The following TOP6BL variants were observed in gnomAD, a reference collection of about 807,000 sequenced individuals.
The protein encoded by TOP6BL is TOP6B like initiator of meiotic double strand breaks.
chr11:66,807,076 GATAA>G, the TOP6BL span, among the ~76,000 whole-genome samples: 2 of 152,106 alleles, frequency 1.3e-5, no homozygotes, highest in Non-Finnish European at 2.9e-5. Context: ...GTGCAGTGGA[GATAA>G]ATAGAACAAA....
At chr11:66,772,634 G>T in the TOP6BL span, among the ~76,000 whole-genome samples, 1 of 152,192 alleles carries the variant, frequency 6.6e-6, no homozygotes, top group Non-Finnish European at 1.5e-5. Flanking sequence ...GCTGGGTGTG[G>T]TGGTGCGTGC....
At chr11:66,764,380 G>A in the TOP6BL span, among the ~76,000 whole-genome samples, 12 of 151,802 alleles carry the variant, frequency 7.9e-5, no homozygotes, top group East Asian at 1.9e-4. Context: ...TCGGCCGGGC[G>A]CGGTGGCTCA....
At chr11:66,796,388 A>G in the TOP6BL span, 2 of 1,546,598 alleles carry the variant, frequency 1.3e-6, no homozygotes, top group Non-Finnish European at 1.8e-6. Context: ...TTGTACAATA[A>G]TGATTCTCTT....
the TOP6BL span, among the ~76,000 whole-genome samples, chr11:66,805,666 G>T: frequency 6.6e-6 from 1 of 152,074 alleles, no homozygotes; most frequent in Non-Finnish European, 1.5e-5. Context: ...TGTTGCCCAG[G>T]CTGGTCTCAA....
the TOP6BL span, chr11:66,843,480 C>T: frequency 3.4e-6 from 5 of 1,466,790 alleles, no homozygotes; most frequent in East Asian, 2.8e-5. Context: ...CGGGGATGGG[C>T]TGCGACTGCT....
At chr11:66,809,536 GGAAGTCCAAAGA>G in the TOP6BL span, among the ~76,000 whole-genome samples, 1 of 152,146 alleles carries the variant, frequency 6.6e-6, no homozygotes, top group African/African-American at 2.4e-5. Flanking sequence ...AGGATGAAAT[GGAAGTCCAAAGA>G]CCTCTTAAAA....
chr11:66,790,044 G>A, the TOP6BL span, among the ~76,000 whole-genome samples: 10 of 152,228 alleles, frequency 6.6e-5, no homozygotes, highest in African/African-American at 2.2e-4. Flanking sequence ...AGGCTGAGGC[G>A]GGTGGATCAT....
chr11:66,756,885 A>AT, the TOP6BL span, among the ~76,000 whole-genome samples: 8 of 151,620 alleles, frequency 5.3e-5, no homozygotes, highest in Admixed American at 1.3e-4. Flanking sequence ...TAATTTTTGT[A>AT]TTTTTTGTGG....
chr11:66,827,442 A>G, the TOP6BL span, among the ~76,000 whole-genome samples: 1 of 152,130 alleles, frequency 6.6e-6, no homozygotes, highest in Non-Finnish European at 1.5e-5. Context: ...CTAACATCCT[A>G]TAATTATATA....
At chr11:66,814,776 C>T in the TOP6BL span, among the ~76,000 whole-genome samples, 18 of 152,248 alleles carry the variant, frequency 1.2e-4, no homozygotes, top group African/African-American at 4.1e-4. Context: ...ACATAAAATT[C>T]CTTAGAAAAA....
At chr11:66,782,119 T>C in the TOP6BL span, among the ~76,000 whole-genome samples, 1 of 152,178 alleles carries the variant, frequency 6.6e-6, no homozygotes, top group Non-Finnish European at 1.5e-5. Context: ...CTATCTCCTC[T>C]GTGGGTTTTG....
At chr11:66,828,256 C>G in the TOP6BL span, 11 of 1,604,992 alleles carry the variant, frequency 6.9e-6, no homozygotes, top group South Asian at 1.2e-4. Context: ...CTATTTCTGG[C>G]CCATTTTAGG....
the TOP6BL span, among the ~76,000 whole-genome samples, chr11:66,835,809 G>C: frequency 1.3e-5 from 2 of 152,072 alleles, no homozygotes; most frequent in Non-Finnish European, 2.9e-5. Context: ...TTAATTAGTT[G>C]ATGAACACAA....
the TOP6BL span, among the ~76,000 whole-genome samples, chr11:66,827,966 GAAAAAAAAAA>G: frequency 0.023 from 703 of 30,114 alleles, 9 homozygotes; most frequent in African/African-American, 0.068. Context: ...CTCTGTCTCA[GAAAAAAAAAA>G]AAAAAAAAAA....
chr11:66,833,040 CTTTT>C, the TOP6BL span, among the ~76,000 whole-genome samples: 1,110 of 117,092 alleles, frequency 9.5e-3, 3 homozygotes, highest in African/African-American at 0.035. Flanking sequence ...ATCTTTCTGC[CTTTT>C]TTTTTTTTTT....
chr11:66,790,891 G>A, the TOP6BL span, among the ~76,000 whole-genome samples: 1 of 152,160 alleles, frequency 6.6e-6, no homozygotes, highest in Non-Finnish European at 1.5e-5. Flanking sequence ...GGAAAACTGT[G>A]AGCTTAGTGA....
the TOP6BL span, among the ~76,000 whole-genome samples, chr11:66,821,213 A>AAT: frequency 6.6e-6 from 1 of 151,864 alleles, no homozygotes; most frequent in African/African-American, 2.4e-5. Context: ...CAGTCGTTGT[A>AAT]CTCAGTATTG....
chr11:66,822,741 T>C, the TOP6BL span: 1 of 1,133,078 alleles, frequency 8.8e-7, no homozygotes, highest in Non-Finnish European at 1.3e-6. Context: ...CGGTGGCTCA[T>C]GCCTATAATC....
chr11:66,761,409 A>G, the TOP6BL span, among the ~76,000 whole-genome samples: 1 of 152,160 alleles, frequency 6.6e-6, no homozygotes, highest in Non-Finnish European at 1.5e-5. Context: ...GAAAAAAGAA[A>G]AAAATGATAA....
Sources: allele counts gnomAD v4.1 joint callset (sites outside exome capture counted in the v4.1 genomes callset), GRCh38; gene constraint gnomAD v4.1.1; transcripts MANE v1.5; gene names NCBI Gene and HGNC (gene_info 2026-07-23, HGNC 2026-07-21).